Variants in NDC80 observed in about 807,000 individuals in gnomAD.
NDC80 encodes the protein NDC80 kinetochore complex component, also known as kinetochore protein NDC80 homolog.
In NDC80, 69 loss-of-function variants were observed where a neutral mutation model predicts 89.3. The observed-to-expected ratio is 0.77, with a 90% CI of 0.64 to 0.94. NDC80 has a LOEUF of 0.94. NDC80 is among the 40% of genes least tolerant of loss of function. The probability of loss-of-function intolerance (pLI) is 0.00; values close to 1 mark genes in which losing one functional copy is unlikely to be tolerated. For missense variants in NDC80, 593 were observed against 739.6 expected (o/e 0.80, Z 2.30); for synonymous variants, 243 against 255.6 (o/e 0.95, Z 0.47).
chr18:2,607,150 C>G (rs2072716274), intron 14 of NDC80, among the ~76,000 whole-genome samples: 1 of 152,032 alleles, frequency 6.6e-6, no homozygotes, highest in Non-Finnish European at 1.5e-5. Flanking sequence ...TATTTAGGAC[C>G]TATTTGTTTT....
At position 2,595,399 on chromosome 18, in the gene NDC80, G is replaced by C. The variant is rs1233280483; in HGVS notation, c.1016-17G>C. 1.2e-6 allele frequency: 2 copies of C among 1,603,272 alleles called. No individual in the cohort carries two copies. Among genetic ancestry groups the C allele is most frequent in the Non-Finnish European group, 8.5e-7 (1 of 1,174,084 alleles). ...GAATTGAAGATACATTAAAAATTTG[G>C]TTTTTTTCCAACACAGAACTAGAAT... On this transcript the variant is annotated splice_polypyrimidine_tract_variant and intron_variant, in intron 10 of 16. Coordinates refer to ENST00000261597, the MANE Select transcript of NDC80 (RefSeq NM_006101.3).
chr18:2,597,794 A>G (rs901570147), intron 11 of NDC80, among the ~76,000 whole-genome samples: 3 of 152,120 alleles, frequency 2.0e-5, no homozygotes, highest in Non-Finnish European at 4.4e-5. Context: ...CTGACAACTT[A>G]GAGGTAGAGC....
intron 11 of NDC80, among the ~76,000 whole-genome samples, chr18:2,596,036 A>T (rs1307314823): frequency 6.6e-6 from 1 of 152,154 alleles, no homozygotes; most frequent in African/African-American, 2.4e-5. Context: ...AAAACTTCCA[A>T]CTGAGTTTGC....
intron 13 of NDC80, among the ~76,000 whole-genome samples, chr18:2,604,281 C>A (rs12955491): frequency 0.18 from 26,857 of 152,184 alleles, 2,898 homozygotes; most frequent in South Asian, 0.3. Flanking sequence ...GATAGCTGGG[C>A]TGAGTTGTGA....
At chr18:2,598,845 C>A (rs1176408380) in intron 11 of NDC80, among the ~76,000 whole-genome samples, 174 bp from the exon 12 acceptor site, 1 of 152,068 alleles carries the variant, frequency 6.6e-6, no homozygotes, top group Non-Finnish European at 1.5e-5. Flanking sequence ...GTTACTAAAA[C>A]CTTATCTTCT....
At chr18:2,594,379 C>T (rs1002584631) in intron 10 of NDC80, 1 of 155,496 alleles carries the variant, frequency 6.4e-6, no homozygotes, top group Non-Finnish European at 1.5e-5. Flanking sequence ...TTGTACTTCT[C>T]TTAAAAGTTA....
intron 6 of NDC80, among the ~76,000 whole-genome samples, chr18:2,579,496 C>T (rs1215731528): frequency 1.3e-5 from 2 of 152,116 alleles, no homozygotes; most frequent in African/African-American, 4.8e-5. Context: ...GGCATGATCT[C>T]AGCTCACTTC....
Position 2,574,999 on chromosome 18 carries a change from C to G in NDC80, c.112C>G (p.Pro38Ala). ...CTATTTTTCTTAAAGCAAAGAGAAA[C>G]CAACCTTTGGAAAGTTGAGTATAAA... ...GLYTPQTKEK[P>A]TFGKLSINKP... Residue 38 changes from proline (P) to alanine (A), a missense_variant, in exon 3 of 17, where the codon CCA (proline) becomes GCA (alanine). Coordinates refer to ENST00000261597, the MANE Select transcript of NDC80 (RefSeq NM_006101.3). 1 of 1,604,062 alleles carries G rather than the reference C, an allele frequency of 6.2e-7. No individual in the cohort carries two copies. The highest frequency in any genetic ancestry group is 8.5e-7 in the Non-Finnish European group (1 of 1,175,144).
At chr18:2,611,844 C>T (rs1392805610) in intron 16 of NDC80, among the ~76,000 whole-genome samples, 2 of 151,982 alleles carry the variant, frequency 1.3e-5, no homozygotes, top group African/African-American at 4.8e-5. Context: ...TACCCATCCT[C>T]TCCCCTGAAA....
intron 16 of NDC80, among the ~76,000 whole-genome samples, chr18:2,613,200 C>A (rs1338587612): frequency 6.6e-6 from 1 of 152,174 alleles, no homozygotes; most frequent in Non-Finnish European, 1.5e-5. Context: ...ACAGCCACCT[C>A]ATTTGTTTTA....
At chr18:2,581,841 G>A (rs756737536) in intron 6 of NDC80, among the ~76,000 whole-genome samples, 16 of 151,510 alleles carry the variant, frequency 1.1e-4, no homozygotes, top group Admixed American at 1.3e-4. Flanking sequence ...AGCTATTGTC[G>A]TATCCTCACT....
rs2072649476 is a variant in NDC80, at chr18:2,595,400, T to C, written c.1016-16T>C. ...AATTGAAGATACATTAAAAATTTGGTTTTTTTCCAACACAGAACTAGAATG... is the reference window on the plus strand; with the variant it reads ...AATTGAAGATACATTAAAAATTTGGCTTTTTTCCAACACAGAACTAGAATG... On this transcript the variant is annotated splice_polypyrimidine_tract_variant and intron_variant, in intron 10 of 16. Coordinates refer to ENST00000261597, the MANE Select transcript of NDC80 (RefSeq NM_006101.3). The C allele has an allele frequency of 1.9e-6, 3 of 1,604,504 alleles. No homozygotes were observed. The highest frequency in any genetic ancestry group is 2.2e-5 in the East Asian group (1 of 44,702).
chr18:2,580,802 C>A (rs1671094878), intron 6 of NDC80, among the ~76,000 whole-genome samples: 1 of 122,474 alleles, frequency 8.2e-6, no homozygotes, highest in African/African-American at 2.9e-5. Flanking sequence ...AGTGCAGTGG[C>A]ACAATCTCGG....
At chr18:2,604,377 C>A (rs926698280) in intron 13 of NDC80, among the ~76,000 whole-genome samples, 1 of 152,106 alleles carries the variant, frequency 6.6e-6, no homozygotes, top group Non-Finnish European at 1.5e-5. Context: ...ACCTTGAGGA[C>A]CAGAGACCAA....
intron 7 of NDC80, among the ~76,000 whole-genome samples, chr18:2,586,512 T>C (rs981038264): frequency 3.9e-5 from 6 of 152,148 alleles, no homozygotes; most frequent in Non-Finnish European, 5.9e-5. Flanking sequence ...GGCAGATTGC[T>C]TGAGCTCCAG....
chr18:2,607,126 C>G (rs2072716069), intron 14 of NDC80, among the ~76,000 whole-genome samples: 2 of 152,088 alleles, frequency 1.3e-5, no homozygotes, highest in Non-Finnish European at 2.9e-5. Context: ...AAACTTTTCT[C>G]TTTGCCTGTG....
In NDC80 at chr18:2,611,045, A is replaced by ATTTTTT. The variant is rs34508122; in HGVS notation, c.1791+199_1791+204dup. ...ACGTGATGCAGGGGAACACTTGAGC[A>ATTTTTT]TTTTTTTTTTTTTTTTTTTTGAGAC... On this transcript the variant is annotated intron_variant, in intron 16 of 16. Transcript: ENST00000261597. 3.6e-5 allele frequency among the ~76,000 whole-genome samples: 4 copies of ATTTTTT among 112,532 alleles called. 1 individual carries two copies. The highest frequency in any genetic ancestry group is 5.2e-5 in the Non-Finnish European group (3 of 57,476). 73.8% of individuals were successfully genotyped at this position (112,532 alleles called of 152,430 possible). A position where few individuals can be genotyped will look rare whatever the true frequency, so the allele number is the denominator to read the frequency against.
intron 13 of NDC80, among the ~76,000 whole-genome samples, chr18:2,603,042 G>C (rs2072691982): frequency 6.6e-6 from 1 of 152,092 alleles, no homozygotes; most frequent in Non-Finnish European, 1.5e-5. Flanking sequence ...TTAACCTAAA[G>C]GAGGAAAACT....
At chr18:2,597,299 G>A (rs1411189735) in intron 11 of NDC80, among the ~76,000 whole-genome samples, 2 of 152,172 alleles carry the variant, frequency 1.3e-5, no homozygotes, top group South Asian at 4.1e-4. Flanking sequence ...TAGAAGTTTG[G>A]ACTTTATCCA....
Sources: gnomAD v4.1 joint callset for allele counts (sites outside exome capture counted in the v4.1 genomes callset) on GRCh38, gnomAD v4.1.1 for gene constraint, MANE v1.5 for transcripts, NCBI Gene and HGNC (gene_info 2026-07-23, HGNC 2026-07-21) for gene names.